Variants in POR observed in about 807,000 individuals in gnomAD.
The protein encoded by POR is cytochrome p450 oxidoreductase, also known as NADPH--cytochrome P450 reductase.
In POR, 56 loss-of-function variants were observed where a neutral mutation model predicts 84.0. The ratio of observed to expected loss-of-function variants is 0.67; its 90% CI spans 0.54 to 0.83. POR has a LOEUF of 0.83. Ranked by LOEUF, POR falls within the 40% of genes least tolerant of loss-of-function variation. The pLI is 0.00. For synonymous variants in POR, 414 were observed against 400.5 expected, an observed-to-expected ratio of 1.03 and a Z score of -0.40; for missense variants, 938 against 944.3, an observed-to-expected ratio of 0.99 and a Z score of 0.09.
At chr7:75,953,516 A>G (rs1787545608) in intron 1 of POR, among the ~76,000 whole-genome samples, 1 of 152,126 alleles carries the variant, frequency 6.6e-6, no homozygotes, top group Non-Finnish European at 1.5e-5. Context: ...GAGCCACTCA[A>G]GGGCCAGGCC....
intron 1 of POR, among the ~76,000 whole-genome samples, chr7:75,921,899 G>A (rs1283196697): frequency 2.0e-5 from 3 of 152,022 alleles, no homozygotes; most frequent in South Asian, 2.1e-4. Context: ...TAGAGACAGG[G>A]TTTCACCATG....
chr7:75,977,025 G>T (rs1554556949), intron 3 of POR, among the ~76,000 whole-genome samples: 4 of 152,064 alleles, frequency 2.6e-5, no homozygotes, highest in Non-Finnish European at 5.9e-5. Context: ...TAAATTTTTT[G>T]TATTTTTAGT....
chr7:75,954,315 T>A (rs1018808831), intron 2 of POR, 135 bp downstream of exon 2: 33 of 896,372 alleles, frequency 3.7e-5, no homozygotes, highest in African/African-American at 5.1e-5. Context: ...GGTTTTGCCT[T>A]CTTGCTAGAT....
At chr7:75,925,447 C>A (rs73133920) in intron 1 of POR, among the ~76,000 whole-genome samples, 5 of 152,260 alleles carry the variant, frequency 3.3e-5, no homozygotes, top group Non-Finnish European at 7.4e-5. Flanking sequence ...ATCGCTTGAG[C>A]CTGAGAGTTC....
chr7:75,952,704 TC>T (rs1471187718), intron 1 of POR, among the ~76,000 whole-genome samples: 21 of 143,716 alleles, frequency 1.5e-4, no homozygotes, highest in African/African-American at 5.3e-4. Context: ...GCAGAGGCGC[TC>T]CCCACATCTC....
chr7:75,923,149 G>C, intron 1 of POR: 1 of 1,051,416 alleles, frequency 9.5e-7, no homozygotes, highest in South Asian at 1.2e-5. Flanking sequence ...TCTGAAGTCT[G>C]TCCAGAAACT....
intron 1 of POR, chr7:75,923,102 A>G (rs1806956883): frequency 1.3e-6 from 1 of 767,412 alleles, no homozygotes; most frequent in East Asian, 2.4e-5. Flanking sequence ...AATGCAGCGT[A>G]TAGTATGTAA....
intron 1 of POR, among the ~76,000 whole-genome samples, chr7:75,939,757 G>A (rs1248765347): frequency 5.9e-5 from 9 of 151,388 alleles, no homozygotes; most frequent in African/African-American, 1.7e-4. Flanking sequence ...ACAGGGGTGC[G>A]CCACCATACT....
chr7:75,985,058 G>A lies in POR; in HGVS notation c.1249G>A (p.Glu417Lys). 3 of 1,597,490 alleles carry A rather than the reference G, an allele frequency of 1.9e-6. No individual in the cohort carries two copies. Among genetic ancestry groups the A allele is most frequent in the Non-Finnish European group, 2.5e-6 (3 of 1,177,748 alleles). ...CCCATCTCACCCCCGTGTCTCTTAG[G>A]AGCTGTACCTGAGCTGGGTGGTGGA... is the stretch of plus-strand genomic sequence containing the variant. Residue 417 changes from glutamate to lysine, a missense_variant and splice_region_variant, in exon 12 of 16, where the codon GAG becomes AAG. Glu to Lys is a moderately conservative substitution (Grantham distance 56). Transcript: ENST00000461988.
chr7:75,921,126 C>G (rs1283796831), intron 1 of POR: 3 of 152,316 alleles, frequency 2.0e-5, no homozygotes, highest in African/African-American at 7.2e-5. Context: ...CCCGAAACCT[C>G]CACAACAAGA....
chr7:75,980,638 C>A, intron 5 of POR, 150 bp downstream of exon 5: 2 of 1,563,196 alleles, frequency 1.3e-6, no homozygotes, highest in Non-Finnish European at 8.6e-7. Flanking sequence ...TCTCCTCTGC[C>A]CCAGACCCCA....
intron 10 of POR, among the ~76,000 whole-genome samples, chr7:75,984,271 C>T (rs1011017619): frequency 2.6e-5 from 4 of 152,134 alleles, no homozygotes; most frequent in South Asian, 2.1e-4. Flanking sequence ...ACAGTGGTGC[C>T]GAGTGGCAGT....
At chr7:75,961,250 A>G (rs1189758764) in intron 2 of POR, among the ~76,000 whole-genome samples, 1 of 145,926 alleles carries the variant, frequency 6.9e-6, no homozygotes, top group Non-Finnish European at 1.5e-5. Flanking sequence ...AGTATCAAAT[A>G]AAAACTTAGA....
chr7:75,980,631 C>A, intron 5 of POR, 143 bp downstream of exon 5: 1 of 1,575,332 alleles, frequency 6.3e-7, no homozygotes, highest in Non-Finnish European at 8.6e-7. Flanking sequence ...GAGACCCTCT[C>A]CTCTGCCCCA....
chr7:75,969,751 G>A (rs1388485326), intron 2 of POR, among the ~76,000 whole-genome samples: 2 of 152,168 alleles, frequency 1.3e-5, no homozygotes, highest in African/African-American at 4.8e-5. Flanking sequence ...TGCCAGCCTC[G>A]TGCTGGACAG....
chr7:75,917,835 C>A (rs1160456170), intron 1 of POR, among the ~76,000 whole-genome samples: 1 of 152,084 alleles, frequency 6.6e-6, no homozygotes, highest in Non-Finnish European at 1.5e-5. Flanking sequence ...TAGCACACAG[C>A]CTCCCAGGTG....
chr7:75,955,614 A>C (rs1787651842), intron 2 of POR, among the ~76,000 whole-genome samples: 1 of 152,144 alleles, frequency 6.6e-6, no homozygotes, highest in Admixed American at 6.5e-5. Flanking sequence ...GGATTTGGCA[A>C]GGGGCAGGTC....
rs781866145 is a variant in POR, at chr7:75,986,327, TCCTGC to T, written c.1899-7_1899-3del. 1 of 1,612,382 alleles carries T rather than the reference TCCTGC, an allele frequency of 6.2e-7. No individual in the cohort carries two copies. Among genetic ancestry groups the T allele is most frequent in the Admixed American group, 1.7e-5 (1 of 60,008 alleles). The stretch of plus-strand genomic sequence containing the variant: ...TGGCCCAGCCCCCAGCACCCCCTCT[TCCTGC>T]CCAGGGATGCACGGAACATGGCCAG... On this transcript the variant is annotated splice_polypyrimidine_tract_variant and splice_region_variant and intron_variant, in intron 15 of 15. Transcript: ENST00000461988.
At chr7:75,973,668 A>G (rs1788542382) in intron 3 of POR, among the ~76,000 whole-genome samples, 1 of 100,090 alleles carries the variant, frequency 1.0e-5, no homozygotes, top group Non-Finnish European at 1.9e-5. Flanking sequence ...ACTGTTCCAG[A>G]CCTTGCTTTT....
Sources: allele counts gnomAD v4.1 joint callset (sites outside exome capture counted in the v4.1 genomes callset), GRCh38; gene constraint gnomAD v4.1.1; transcripts MANE v1.5; gene names NCBI Gene and HGNC (gene_info 2026-07-23, HGNC 2026-07-21).